The following ENTREP2 variants were observed in gnomAD, a reference collection of about 807,000 sequenced individuals.
The protein encoded by ENTREP2 is protein ENTREP2.
chr15:29,311,901 G>A, the ENTREP2 span, among the ~76,000 whole-genome samples: 4 of 152,124 alleles, frequency 2.6e-5, no homozygotes, highest in African/African-American at 9.7e-5. Flanking sequence ...GAGTGATTCA[G>A]CATTAGCATA....
At chr15:29,406,892 G>A in the ENTREP2 span, among the ~76,000 whole-genome samples, 1 of 152,088 alleles carries the variant, frequency 6.6e-6, no homozygotes, top group Non-Finnish European at 1.5e-5. Context: ...TCAGCATTCA[G>A]TATTGGCATT....
At chr15:29,217,282 A>G in the ENTREP2 span, among the ~76,000 whole-genome samples, 1 of 152,170 alleles carries the variant, frequency 6.6e-6, no homozygotes, top group Non-Finnish European at 1.5e-5. Context: ...CCAGTGAAAG[A>G]GCCAAGATAG....
the ENTREP2 span, among the ~76,000 whole-genome samples, chr15:29,517,483 A>G: frequency 6.6e-6 from 1 of 152,138 alleles, no homozygotes; most frequent in Non-Finnish European, 1.5e-5. Flanking sequence ...GTATGCCTGC[A>G]CTAATGTCCT....
chr15:29,476,639 G>A, the ENTREP2 span, among the ~76,000 whole-genome samples: 1 of 152,196 alleles, frequency 6.6e-6, no homozygotes, highest in Admixed American at 6.5e-5. Flanking sequence ...GGACACTTCT[G>A]GACCTGAGGA....
chr15:29,439,115 G>A, the ENTREP2 span, among the ~76,000 whole-genome samples: 2 of 152,068 alleles, frequency 1.3e-5, no homozygotes, highest in African/African-American at 2.4e-5. Flanking sequence ...AGCTCAACTA[G>A]CACCCTGGTT....
At chr15:29,492,025 G>C in the ENTREP2 span, among the ~76,000 whole-genome samples, 1 of 151,880 alleles carries the variant, frequency 6.6e-6, no homozygotes, top group African/African-American at 2.4e-5. Flanking sequence ...ATCTGTCAAA[G>C]CCATACGATT....
At chr15:29,422,960 T>G in the ENTREP2 span, among the ~76,000 whole-genome samples, 1 of 152,176 alleles carries the variant, frequency 6.6e-6, no homozygotes, top group South Asian at 2.1e-4. Flanking sequence ...AATGTATAAT[T>G]TCGGGATAGG....
At chr15:29,343,541 G>A in the ENTREP2 span, among the ~76,000 whole-genome samples, 1 of 151,494 alleles carries the variant, frequency 6.6e-6, no homozygotes, top group South Asian at 2.1e-4. Flanking sequence ...CCACAATCAG[G>A]TGAGTCCATT....
At chr15:29,567,426 C>T in the ENTREP2 span, among the ~76,000 whole-genome samples, 1 of 152,178 alleles carries the variant, frequency 6.6e-6, no homozygotes, top group Non-Finnish European at 1.5e-5. Flanking sequence ...TTTATTTCAT[C>T]CCCTTCTGCC....
chr15:29,287,231 A>C, the ENTREP2 span, among the ~76,000 whole-genome samples: 3 of 152,174 alleles, frequency 2.0e-5, no homozygotes, highest in African/African-American at 7.2e-5. Flanking sequence ...TGGAATGGGG[A>C]AGAAAGCTTT....
the ENTREP2 span, among the ~76,000 whole-genome samples, chr15:29,657,205 G>T: frequency 1.3e-5 from 2 of 149,634 alleles, no homozygotes; most frequent in African/African-American, 2.5e-5. Flanking sequence ...CCACCACCAC[G>T]CCGCGCCAGC....
At chr15:29,151,811 C>A in the ENTREP2 span, 4 of 1,551,484 alleles carry the variant, frequency 2.6e-6, no homozygotes, top group Admixed American at 7.8e-5. Context: ...GTGGACAGGA[C>A]GTTGAGGGCA....
At chr15:29,507,761 G>C in the ENTREP2 span, among the ~76,000 whole-genome samples, 19 of 152,162 alleles carry the variant, frequency 1.2e-4, no homozygotes, top group Non-Finnish European at 2.8e-4. Flanking sequence ...AGTGTTTAGA[G>C]GGAAATTTAT....
At chr15:29,594,230 C>T in the ENTREP2 span, among the ~76,000 whole-genome samples, 3 of 152,124 alleles carry the variant, frequency 2.0e-5, no homozygotes, top group Non-Finnish European at 4.4e-5. Flanking sequence ...AGTTGTGGTT[C>T]TCATCACTCT....
At chr15:29,243,658 T>C in the ENTREP2 span, among the ~76,000 whole-genome samples, 1 of 152,196 alleles carries the variant, frequency 6.6e-6, no homozygotes, top group African/African-American at 2.4e-5. Context: ...TTAATCTACT[T>C]TGAATCTCTA....
the ENTREP2 span, among the ~76,000 whole-genome samples, chr15:29,654,628 A>C: frequency 1.3e-5 from 2 of 152,188 alleles, no homozygotes; most frequent in Admixed American, 6.5e-5. Flanking sequence ...TGAGATCCAT[A>C]TCTCTATGTA....
the ENTREP2 span, among the ~76,000 whole-genome samples, chr15:29,591,898 A>G: frequency 1.0e-4 from 15 of 145,904 alleles, no homozygotes; most frequent in Non-Finnish European, 1.7e-4. Flanking sequence ...GAAGAAGAAG[A>G]GAGAAAACAC....
the ENTREP2 span, among the ~76,000 whole-genome samples, chr15:29,346,631 C>A: frequency 6.6e-6 from 1 of 152,218 alleles, no homozygotes; most frequent in Non-Finnish European, 1.5e-5. Context: ...AGAGTACTTT[C>A]ATTTAGCTTT....
At chr15:29,328,760 C>A in the ENTREP2 span, among the ~76,000 whole-genome samples, 10 of 152,302 alleles carry the variant, frequency 6.6e-5, no homozygotes, top group East Asian at 1.9e-3. Context: ...GGAGGCTGGA[C>A]TGATCCACGC....
Sources: allele counts gnomAD v4.1 joint callset (sites outside exome capture counted in the v4.1 genomes callset), GRCh38; gene constraint gnomAD v4.1.1; transcripts MANE v1.5; gene names NCBI Gene and HGNC (gene_info 2026-07-23, HGNC 2026-07-21).